GRID1: variants seen among roughly 807,000 people sequenced by gnomAD.
GRID1 encodes glutamate ionotropic receptor delta type subunit 1, also known as glutamate receptor ionotropic, delta-1.
A neutral mutation model predicts 98.0 loss-of-function variants in GRID1; 28 were observed. The observed-to-expected ratio is 0.29, with a 90% CI of 0.21 to 0.39. The LOEUF (loss-of-function observed/expected upper bound fraction) is 0.39, where lower values mean the gene tolerates loss of function less well. Ranked by LOEUF, GRID1 falls within the 10% of genes least tolerant of loss-of-function variation. The probability of loss-of-function intolerance (pLI) is 1.00; values close to 1 mark genes in which losing one functional copy is unlikely to be tolerated. For missense variants in GRID1, 1,111 were observed against 1,340.5 expected (o/e 0.83, Z 2.67); for synonymous variants, 553 against 538.5 (o/e 1.03, Z -0.37).
chr10:86,321,065 A>C (rs1473592682), intron 2 of GRID1, among the ~76,000 whole-genome samples: 2 of 149,504 alleles, frequency 1.3e-5, no homozygotes, highest in African/African-American at 2.5e-5. Flanking sequence ...GCGCCACTGC[A>C]CTCCAGCCTG....
chr10:85,639,950 T>C (rs1440073585), intron 13 of GRID1, among the ~76,000 whole-genome samples: 2 of 152,014 alleles, frequency 1.3e-5, no homozygotes, highest in African/African-American at 4.8e-5. Flanking sequence ...GCTGAACATA[T>C]ACCTTGTGCT....
chr10:86,089,550 C>T (rs1185078297), intron 4 of GRID1, among the ~76,000 whole-genome samples: 1 of 152,132 alleles, frequency 6.6e-6, no homozygotes, highest in African/African-American at 2.4e-5. Flanking sequence ...ACACAAAGAT[C>T]CAGGAAGAAC....
intron 2 of GRID1, among the ~76,000 whole-genome samples, chr10:86,344,242 C>A (rs1242513577): frequency 1.3e-5 from 2 of 152,232 alleles, no homozygotes; most frequent in African/African-American, 2.4e-5. Context: ...GTATGCACAC[C>A]ATGTCTTCAG....
At position 85,844,420 on chromosome 10, in the gene GRID1, T is replaced by TACACACACAC. The variant is rs55706189; in HGVS notation, c.1233+10066_1233+10075dup. Among the ~76,000 whole-genome samples, 62 of 133,858 alleles carry TACACACACAC rather than the reference T, an allele frequency of 4.6e-4. 1 individual carries two copies. In the South Asian group the frequency reaches 7.3e-3, roughly 16 times the overall value. 87.8% of individuals were successfully genotyped at this position (133,858 alleles called of 152,430 possible). ...CAGGAAAATACTGAATACAACTAAA[T>TACACACACAC]ACACACACACACACACACACACACA... On this transcript the variant is annotated intron_variant, in intron 8 of 15. Coordinates refer to ENST00000327946, the MANE Select transcript of GRID1 (RefSeq NM_017551.3).
intron 3 of GRID1, among the ~76,000 whole-genome samples, chr10:86,160,072 C>T (rs1253031641): frequency 2.0e-5 from 3 of 152,108 alleles, no homozygotes; most frequent in African/African-American, 4.8e-5. Context: ...TCATCATCAT[C>T]GTGTGAGCCA....
At chr10:86,306,627 G>A (rs2132085275) in intron 2 of GRID1, among the ~76,000 whole-genome samples, 1 of 152,304 alleles carries the variant, frequency 6.6e-6, no homozygotes, top group East Asian at 1.9e-4. Context: ...GCTTCCAGAG[G>A]CCAGCAGTCG....
At chr10:85,771,509 T>C (rs1415478582) in intron 8 of GRID1, among the ~76,000 whole-genome samples, 16 of 152,064 alleles carry the variant, frequency 1.1e-4, no homozygotes, top group Non-Finnish European at 2.4e-4. Context: ...AATGCTCCAA[T>C]TAAAAGACAC....
At chr10:86,061,072 T>A (rs2131913203) in intron 4 of GRID1, among the ~76,000 whole-genome samples, 1 of 152,308 alleles carries the variant, frequency 6.6e-6, no homozygotes, top group African/African-American at 2.4e-5. Context: ...TGGCCCTTCC[T>A]GGTGCCTCCA....
chr10:85,640,961 C>T (rs769843079), intron 13 of GRID1, among the ~76,000 whole-genome samples: 2 of 152,220 alleles, frequency 1.3e-5, no homozygotes, highest in Non-Finnish European at 2.9e-5. Context: ...AAAGATACTT[C>T]CCTCTGAAAA....
chr10:85,965,322 A>G (rs754211150), intron 4 of GRID1, among the ~76,000 whole-genome samples: 2 of 152,246 alleles, frequency 1.3e-5, no homozygotes, highest in Non-Finnish European at 2.9e-5. Flanking sequence ...TTCTACTATG[A>G]AGACACATGC....
chr10:86,081,666 T>C (rs1476466264), intron 4 of GRID1, among the ~76,000 whole-genome samples: 1 of 152,238 alleles, frequency 6.6e-6, no homozygotes, highest in Non-Finnish European at 1.5e-5. Flanking sequence ...ATCCAGACAA[T>C]GGAATATTAT....
chr10:86,183,089 C>A (rs935275588), intron 3 of GRID1, among the ~76,000 whole-genome samples: 1 of 152,192 alleles, frequency 6.6e-6, no homozygotes, highest in African/African-American at 2.4e-5. Context: ...CCCAAATTTT[C>A]TTGTGCTTCT....
chr10:86,351,126 A>G (rs1848455904), intron 2 of GRID1, among the ~76,000 whole-genome samples: 1 of 152,264 alleles, frequency 6.6e-6, no homozygotes, highest in Non-Finnish European at 1.5e-5. Context: ...ACCCAGTGAG[A>G]TTCCTGGGCC....
chr10:85,991,850 G>A (rs1842684419), intron 4 of GRID1, among the ~76,000 whole-genome samples: 1 of 150,268 alleles, frequency 6.7e-6, no homozygotes, highest in Admixed American at 6.6e-5. Context: ...ACTGAAAGGG[G>A]ATGTGGAAAA....
At chr10:86,244,545 G>A (rs988854856) in intron 2 of GRID1, among the ~76,000 whole-genome samples, 3 of 152,208 alleles carry the variant, frequency 2.0e-5, no homozygotes, top group Admixed American at 2.0e-4. Context: ...GCTAAGCAGC[G>A]CGCCTGCAAG....
chr10:86,106,894 A>C lies in GRID1; in HGVS notation c.726+31925T>G, dbSNP rs527590469. 3.9e-5 allele frequency among the ~76,000 whole-genome samples: 6 copies of C among 152,162 alleles called. No individual in the cohort carries two copies. In the East Asian group the frequency reaches 1.2e-3, roughly 30 times the overall value. On this transcript the variant is annotated intron_variant, in intron 4 of 15. Coordinates refer to ENST00000327946, the MANE Select transcript of GRID1 (RefSeq NM_017551.3). The stretch of plus-strand genomic sequence containing the variant: ...GGGAGGTGAAGGAGCCCAGGGGTGA[A>C]GAGGAAAATGAATTGACAACAAGGA...
chr10:85,758,991 T>C (rs1842123638), intron 8 of GRID1, among the ~76,000 whole-genome samples: 1 of 152,348 alleles, frequency 6.6e-6, no homozygotes, highest in East Asian at 1.9e-4. Context: ...AGCACTTGCC[T>C]TGTAGAATTG....
chr10:86,124,323 C>T (rs554683002), intron 4 of GRID1, among the ~76,000 whole-genome samples: 12 of 152,264 alleles, frequency 7.9e-5, no homozygotes, highest in African/African-American at 2.9e-4. Context: ...CACCTGCCAC[C>T]ACTCTCCCCC....
At chr10:85,885,117 A>G (rs1019274085) in intron 5 of GRID1, among the ~76,000 whole-genome samples, 1 of 152,240 alleles carries the variant, frequency 6.6e-6, no homozygotes, top group Non-Finnish European at 1.5e-5. Context: ...ATCTTAGAAA[A>G]TCTGCATTTT....
Sources: gnomAD v4.1 joint callset for allele counts (sites outside exome capture counted in the v4.1 genomes callset) on GRCh38, gnomAD v4.1.1 for gene constraint, MANE v1.5 for transcripts, NCBI Gene and HGNC (gene_info 2026-07-23, HGNC 2026-07-21) for gene names.